Variants in MMP26 observed in about 807,000 individuals in gnomAD.
MMP26 encodes matrix metalloproteinase-26.
MMP26 carries 33 observed loss-of-function variants against 31.0 expected under a neutral mutation model. That is an observed-to-expected ratio of 1.06 (90% CI 0.81 to 1.42). The LOEUF is 1.42. Ranked by LOEUF, MMP26 falls within the 40% of genes most tolerant of loss-of-function variation. The pLI is 0.00. For missense variants in MMP26, 347 were observed against 316.1 expected, an observed-to-expected ratio of 1.10 and a Z score of -0.74; for synonymous variants, 122 against 114.9, an observed-to-expected ratio of 1.06 and a Z score of -0.40.
chr11:4,726,345 C>T (rs1848099338), intron 1 of MMP26, among the ~76,000 whole-genome samples: 1 of 142,918 alleles, frequency 7.0e-6, no homozygotes, highest in African/African-American at 2.6e-5. Flanking sequence ...TGCCTGTAGT[C>T]CCAGCTACTC....
At chr11:4,818,906 C>G (rs17249369) in intron 2 of MMP26, among the ~76,000 whole-genome samples, 15,114 of 151,946 alleles carry the variant, frequency 0.099, 919 homozygotes, top group Middle Eastern at 0.17. Context: ...AGAGTGAATA[C>G]ATTTGGAAAA....
In MMP26 at chr11:4,992,341, G is replaced by A; in HGVS notation, c.*99G>A. 1 of 1,237,056 alleles carries A rather than the reference G, an allele frequency of 8.1e-7. No homozygotes were observed. The highest frequency in any genetic ancestry group is 1.4e-5 in the South Asian group (1 of 71,920). The allele number at this position is 1,237,056 out of a possible 1,614,324, so 76.6% of individuals were successfully genotyped here. ...GAGCAGCCTTGGGGACTGCTAGGAT[G>A]AAGCCCTAAAGAATGCAACCTAGTC... On this transcript the variant is annotated 3_prime_UTR_variant, in exon 8 of 8. Coordinates refer to ENST00000380390, the MANE Select transcript of MMP26 (RefSeq NM_021801.5).
intron 2 of MMP26, chr11:4,804,761 A>G (rs1054943567): frequency 5.8e-6 from 2 of 344,048 alleles, no homozygotes; most frequent in Non-Finnish European, 1.1e-5. Context: ...CCTGGCTGAC[A>G]TAGTGGAACC....
chr11:4,780,534 T>G (rs190893614), intron 2 of MMP26, among the ~76,000 whole-genome samples: 152 of 152,300 alleles, frequency 1.0e-3, no homozygotes, highest in African/African-American at 3.5e-3. Context: ...TTCTTATTGA[T>G]TTTTGTTTAT....
At chr11:4,714,207 T>C (rs567136220) in intron 1 of MMP26, among the ~76,000 whole-genome samples, 3 of 152,290 alleles carry the variant, frequency 2.0e-5, no homozygotes, top group African/African-American at 7.2e-5. Context: ...AGGGGGACTT[T>C]ATTAGCTGCA....
chr11:4,923,526 G>A (rs758959087), intron 2 of MMP26: 11 of 1,614,126 alleles, frequency 6.8e-6, no homozygotes, highest in Admixed American at 1.7e-5. Context: ...TGTACAACGC[G>A]GGGCAGATGT....
chr11:4,740,142 C>T (rs1466511565), intron 1 of MMP26, among the ~76,000 whole-genome samples: 1 of 151,854 alleles, frequency 6.6e-6, no homozygotes, highest in African/African-American at 2.4e-5. Flanking sequence ...AGTTTCCTGA[C>T]ATCATTCCAA....
chr11:4,869,285 A>G (rs1346197561), intron 2 of MMP26, among the ~76,000 whole-genome samples: 1 of 152,210 alleles, frequency 6.6e-6, no homozygotes, highest in Non-Finnish European at 1.5e-5. Flanking sequence ...CAGGCAACCT[A>G]CAGAATGGGA....
intron 2 of MMP26, chr11:4,903,876 T>A (rs1271116745): frequency 6.6e-6 from 1 of 152,070 alleles, no homozygotes; most frequent in South Asian, 2.1e-4. Context: ...TGAATACATG[T>A]CTATGGGGAG....
chr11:4,978,209 G>A (rs370727881), intron 2 of MMP26, among the ~76,000 whole-genome samples: 27 of 152,090 alleles, frequency 1.8e-4, no homozygotes, highest in South Asian at 4.2e-4. Flanking sequence ...AACCTCTTTC[G>A]TTTATAAATT....
intron 2 of MMP26, among the ~76,000 whole-genome samples, chr11:4,872,304 T>G (rs1023648761): frequency 6.6e-6 from 1 of 152,124 alleles, no homozygotes. Context: ...TTGCTCGTGT[T>G]TTTTAAAACC....
At chr11:4,784,039 A>C (rs1276199979) in intron 2 of MMP26, among the ~76,000 whole-genome samples, 1 of 152,218 alleles carries the variant, frequency 6.6e-6, no homozygotes, top group East Asian at 1.9e-4. Flanking sequence ...GTGACATTTT[A>C]TTGCTCACAA....
At chr11:4,753,718 C>G (rs920136245) in intron 1 of MMP26, among the ~76,000 whole-genome samples, 3 of 152,098 alleles carry the variant, frequency 2.0e-5, no homozygotes, top group African/African-American at 7.2e-5. Flanking sequence ...AGGAAAACAT[C>G]TCTTTTCAGT....
At chr11:4,748,071 G>T (rs1057510126) in intron 1 of MMP26, among the ~76,000 whole-genome samples, 4 of 151,900 alleles carry the variant, frequency 2.6e-5, no homozygotes, top group African/African-American at 9.6e-5. Flanking sequence ...AACAAAAGAA[G>T]AGAGGAAATT....
intron 1 of MMP26, among the ~76,000 whole-genome samples, chr11:4,734,980 A>G (rs971200325): frequency 2.0e-5 from 3 of 152,208 alleles, no homozygotes; most frequent in Non-Finnish European, 4.4e-5. Flanking sequence ...GAAGGGAGTC[A>G]CTGACCTCTT....
chr11:4,989,550 G>A (rs896897683), intron 3 of MMP26, 98 bp from the exon 4 acceptor site: 14 of 920,064 alleles, frequency 1.5e-5, no homozygotes, highest in African/African-American at 1.3e-4. Context: ...ACTAAGTACC[G>A]TCCTTCTGAG....
chr11:4,916,373 C>T (rs1305651078), intron 2 of MMP26, among the ~76,000 whole-genome samples: 2 of 147,538 alleles, frequency 1.4e-5, no homozygotes, highest in East Asian at 2.0e-4. Flanking sequence ...TTTAACTTTG[C>T]CTGCCTCTTA....
intron 2 of MMP26, among the ~76,000 whole-genome samples, chr11:4,942,115 G>GAAAAAAAAAAAAAAAAAAAA (rs1846219382): frequency 1.7e-5 from 1 of 58,598 alleles, no homozygotes; most frequent in Non-Finnish European, 4.0e-5. Flanking sequence ...AAAAAAGGAA[G>GAAAAAAAAAAAAAAAAAAAA]TAAAACCCTA....
chr11:4,910,957 T>C (rs1408108354), intron 2 of MMP26, among the ~76,000 whole-genome samples: 1 of 152,184 alleles, frequency 6.6e-6, no homozygotes, highest in Non-Finnish European at 1.5e-5. Context: ...AGGCAGTTCC[T>C]TTCCTCCTGC....
Sources: gnomAD v4.1 joint callset for allele counts (sites outside exome capture counted in the v4.1 genomes callset) on GRCh38, gnomAD v4.1.1 for gene constraint, MANE v1.5 for transcripts, NCBI Gene and HGNC (gene_info 2026-07-23, HGNC 2026-07-21) for gene names.